Variants in TRPS1 observed in about 807,000 individuals in gnomAD.
TRPS1 encodes zinc finger transcription factor Trps1.
TRPS1 carries 6 observed loss-of-function variants against 101.2 expected under a neutral mutation model. The observed-to-expected ratio is 0.06, with a 90% CI of 0.03 to 0.12. TRPS1 has a LOEUF of 0.12. Among genes scored for constraint, TRPS1 ranks in the 10% least tolerant of loss-of-function variants. The pLI is 1.00. For missense variants in TRPS1, 1,363 were observed against 1,567.0 expected (o/e 0.87, Z 2.20); for synonymous variants, 578 against 589.8 (o/e 0.98, Z 0.29).
chr8:115,529,376 G>T (rs2130257708), intron 5 of TRPS1, among the ~76,000 whole-genome samples: 1 of 152,214 alleles, frequency 6.6e-6, no homozygotes, highest in East Asian at 1.9e-4. Flanking sequence ...AATTGTATAT[G>T]TAAGATGTAG....
chr8:115,441,866 T>TGAGAGA (rs56875076), intron 5 of TRPS1, among the ~76,000 whole-genome samples: 16 of 139,600 alleles, frequency 1.1e-4, no homozygotes, highest in South Asian at 2.4e-4. Flanking sequence ...CAATTGAGAG[T>TGAGAGA]GAGAGAGAGA....
intron 5 of TRPS1, among the ~76,000 whole-genome samples, chr8:115,512,505 A>G (rs542896459): frequency 2.0e-5 from 3 of 151,786 alleles, no homozygotes; most frequent in African/African-American, 7.2e-5. Flanking sequence ...AATGTGAAAA[A>G]TAGAAAATTA....
intron 4 of TRPS1, among the ~76,000 whole-genome samples, chr8:115,592,740 A>C (rs1817703357): frequency 6.6e-6 from 1 of 152,214 alleles, no homozygotes; most frequent in Non-Finnish European, 1.5e-5. Flanking sequence ...TGGGGATTTC[A>C]TTCAAATTCA....
At chr8:115,655,219 C>T (rs1280593939) in intron 1 of TRPS1, among the ~76,000 whole-genome samples, 1 of 152,228 alleles carries the variant, frequency 6.6e-6, no homozygotes, top group East Asian at 1.9e-4. Context: ...TAAAGAAAAA[C>T]AAAGAAGTAA....
chr8:115,498,411 CTCTCTATATATATATATATATATATATA>C (rs1349888662), intron 5 of TRPS1, among the ~76,000 whole-genome samples: 8 of 72,700 alleles, frequency 1.1e-4, no homozygotes, highest in Admixed American at 7.4e-4. Context: ...CTCTCTCTCT[CTCTCTATATATATATATATATATATATA>C]TATATATATA....
chr8:115,591,183 G>C (rs1471351360), intron 4 of TRPS1, among the ~76,000 whole-genome samples: 1 of 152,052 alleles, frequency 6.6e-6, no homozygotes, highest in Non-Finnish European at 1.5e-5. Context: ...AAATAACAAA[G>C]ACAGTAAGGG....
intron 5 of TRPS1, among the ~76,000 whole-genome samples, chr8:115,479,497 C>T (rs1814697437): frequency 6.6e-6 from 1 of 152,068 alleles, no homozygotes; most frequent in South Asian, 2.1e-4. Flanking sequence ...AAGAATGGGG[C>T]TGATCAGTGG....
intron 1 of TRPS1, among the ~76,000 whole-genome samples, chr8:115,648,695 A>T (rs76969672): frequency 1.6e-4 from 24 of 151,866 alleles, no homozygotes; most frequent in South Asian, 4.1e-4. Context: ...TATTATTATT[A>T]TTTTATTTCT....
chr8:115,649,931 A>G (rs1811522939), intron 1 of TRPS1, among the ~76,000 whole-genome samples: 8 of 152,202 alleles, frequency 5.3e-5, no homozygotes, highest in Admixed American at 5.2e-4. Context: ...TCCTACATAC[A>G]GTCTGATAAG....
chr8:115,555,626 T>G (rs944194565), intron 5 of TRPS1, among the ~76,000 whole-genome samples: 1 of 151,986 alleles, frequency 6.6e-6, no homozygotes, highest in African/African-American at 2.4e-5. Context: ...TGGGCAGAGC[T>G]CAGGCCAGTA....
Position 115,493,059 on chromosome 8 carries a change from T to C in TRPS1, c.2701-74607A>G, listed in dbSNP as rs186773369. Reference sequence around the variant, plus strand: ...TTAATAGGAGGGGTAAGATACTTTTTTAAAAGACTGGTCAAGTCTGTAAGT... The same window carrying C: ...TTAATAGGAGGGGTAAGATACTTTTCTAAAAGACTGGTCAAGTCTGTAAGT... On this transcript the variant is annotated intron_variant, in intron 5 of 6. Transcript: ENST00000395715. Among the ~76,000 whole-genome samples, 473 of 152,178 alleles carry C rather than the reference T, an allele frequency of 3.1e-3. 1 individual carries two copies. The highest frequency in any genetic ancestry group is 5.9e-3 in the Non-Finnish European group (400 of 67,988).
At chr8:115,651,726 G>A (rs1261431809) in intron 1 of TRPS1, among the ~76,000 whole-genome samples, 1 of 152,196 alleles carries the variant, frequency 6.6e-6, no homozygotes, top group African/African-American at 2.4e-5. Context: ...GAAGAATACA[G>A]AAGTGAACAT....
chr8:115,525,397 C>T (rs1026237283), intron 5 of TRPS1, among the ~76,000 whole-genome samples: 8 of 152,084 alleles, frequency 5.3e-5, no homozygotes, highest in Admixed American at 3.9e-4. Context: ...CTCTATCAGG[C>T]TCACTCAGCG....
chr8:115,451,071 TA>T (rs1813859012), intron 5 of TRPS1, among the ~76,000 whole-genome samples: 1 of 152,226 alleles, frequency 6.6e-6, no homozygotes. Flanking sequence ...TTCACATCTT[TA>T]CTTTTAATGT....
Position 115,409,906 on chromosome 8 carries a change from T to C in TRPS1, c.*4117A>G, listed in dbSNP as rs540206776. ...ACCTTACTGGCTCACCAAAGACGAC[T>C]TGATCTTTTTTTCTTTTTTTTTTTT... On this transcript the variant is annotated 3_prime_UTR_variant, in exon 7 of 7. Coordinates refer to ENST00000395715, the MANE Select transcript of TRPS1 (RefSeq NM_014112.5). 36 of 140,150 alleles carry C rather than the reference T, an allele frequency of 2.6e-4. No homozygotes were observed. The highest frequency in any genetic ancestry group is 1.0e-3 in the African/African-American group (36 of 35,236). 8.7% of individuals were successfully genotyped at this position (140,150 alleles called of 1,614,324 possible).
At chr8:115,510,251 A>G (rs1175825241) in intron 5 of TRPS1, among the ~76,000 whole-genome samples, 3 of 151,944 alleles carry the variant, frequency 2.0e-5, no homozygotes, top group Admixed American at 1.3e-4. Flanking sequence ...TTAAAGAAAC[A>G]CTGGATCTGT....
rs1456094749 is a variant in TRPS1 at position 115,418,545 on chromosome 8, C to T, written c.2701-93G>A. ...CCCAGGAGTTTTGTCTTTAAACTAG[C>T]AACAATGACAGTATAAAACCACACT... On this transcript the variant is annotated intron_variant, in intron 5 of 6. Coordinates refer to ENST00000395715, the MANE Select transcript of TRPS1 (RefSeq NM_014112.5). This position sits in a 1 kb window ranked among gnomAD's most constrained non-coding sequence, Gnocchi z 4.3. 71 of 1,557,016 alleles carry T rather than the reference C, an allele frequency of 4.6e-5. No individual in the cohort carries two copies. Among genetic ancestry groups the T allele is most frequent in the Non-Finnish European group, 5.9e-5 (67 of 1,130,574 alleles).
chr8:115,562,506 C>CA (rs1816969126), intron 5 of TRPS1, among the ~76,000 whole-genome samples: 1 of 140,392 alleles, frequency 7.1e-6, no homozygotes, highest in Non-Finnish European at 1.5e-5. Flanking sequence ...GTGTGATTGC[C>CA]AGGAAAAAAA....
intron 5 of TRPS1, among the ~76,000 whole-genome samples, chr8:115,458,622 GA>G (rs1251133040): frequency 2.6e-5 from 4 of 152,148 alleles, no homozygotes; most frequent in Non-Finnish European, 5.9e-5. Context: ...AAGCAGATGT[GA>G]CTGAGAACAA....
Sources: gnomAD v4.1 joint callset for allele counts (sites outside exome capture counted in the v4.1 genomes callset) on GRCh38, gnomAD v4.1.1 for gene constraint, Gnocchi (gnomAD v3.1) non-coding constraint, MANE v1.5 for transcripts, NCBI Gene and HGNC (gene_info 2026-07-23, HGNC 2026-07-21) for gene names.